The following ERBB4 variants were observed in gnomAD, a reference collection of about 807,000 sequenced individuals.
ERBB4 encodes receptor tyrosine-protein kinase erbB-4.
In ERBB4, 42 loss-of-function variants were observed where a neutral mutation model predicts 158.0. The ratio of observed to expected loss-of-function variants is 0.27; its 90% CI spans 0.21 to 0.34. The LOEUF (loss-of-function observed/expected upper bound fraction) is 0.34. Ranked by LOEUF, ERBB4 falls within the 10% of genes least tolerant of loss-of-function variation. The probability of loss-of-function intolerance (pLI) is 1.00; values close to 1 mark genes in which losing one functional copy is unlikely to be tolerated. For synonymous variants in ERBB4, 583 were observed against 558.7 expected (o/e 1.04, Z -0.61); for missense variants, 1,333 against 1,624.1 (o/e 0.82, Z 3.08).
At chr2:212,183,907 C>G (rs967005325) in intron 1 of ERBB4, among the ~76,000 whole-genome samples, 1 of 152,004 alleles carries the variant, frequency 6.6e-6, no homozygotes, top group Admixed American at 6.6e-5. Flanking sequence ...AAGGTCTATT[C>G]TTTTTCATTT....
At chr2:211,630,782 G>A (rs1454891740) in intron 16 of ERBB4, among the ~76,000 whole-genome samples, 188 bp from the exon 17 acceptor site, 1 of 152,078 alleles carries the variant, frequency 6.6e-6, no homozygotes, top group Non-Finnish European at 1.5e-5. Context: ...AACTATGGTT[G>A]TTTTTGTGTG....
intron 3 of ERBB4, among the ~76,000 whole-genome samples, chr2:211,817,940 G>A (rs550302164): frequency 1.3e-5 from 2 of 152,172 alleles, no homozygotes; most frequent in Non-Finnish European, 2.9e-5. Flanking sequence ...CAGGCTGGAT[G>A]TCTTTAAGCT....
At chr2:211,704,327 T>G in intron 10 of ERBB4, 133 bp from the exon 11 acceptor site, 2 of 688,000 alleles carry the variant, frequency 2.9e-6, no homozygotes, top group Non-Finnish European at 5.3e-6. Flanking sequence ...TTCTATTTTT[T>G]AAGCACTCTA....
chr2:212,127,420 G>A (rs1013551478), intron 1 of ERBB4, among the ~76,000 whole-genome samples: 3 of 152,108 alleles, frequency 2.0e-5, no homozygotes, highest in Admixed American at 6.6e-5. Context: ...GTGAAACCCC[G>A]TCTCAACTAA....
chr2:212,109,159 A>G (rs377471590), intron 2 of ERBB4, among the ~76,000 whole-genome samples: 30 of 152,300 alleles, frequency 2.0e-4, no homozygotes, highest in African/African-American at 6.7e-4. Flanking sequence ...ACATGCCAGC[A>G]TCTTTAATTT....
chr2:212,211,108 T>C lies in ERBB4; in HGVS notation c.83-86205A>G, dbSNP rs1317676943. The stretch of plus-strand genomic sequence containing the variant: ...CCACATTAATTACTCACTAGTGCTA[T>C]AAACTCTACATAGTAAACATCTCTG... On this transcript the variant is annotated intron_variant, in intron 1 of 27. Coordinates refer to ENST00000342788, the MANE Select transcript of ERBB4 (RefSeq NM_005235.3). Among the ~76,000 whole-genome samples the C allele has an allele frequency of 2.0e-5, 3 of 152,240 alleles. No homozygotes were observed. The South Asian group carries it at 6.2e-4, about 32-fold the overall frequency.
Position 211,827,109 on chromosome 2 carries a change from G to A in ERBB4, c.422-38950C>T, listed in dbSNP as rs191169332. Among the ~76,000 whole-genome samples the A allele has an allele frequency of 9.0e-3, 1,260 of 140,022 alleles. 13 individuals carry two copies. The highest frequency in any genetic ancestry group is 0.029 in the African/African-American group (1,194 of 40,720). The allele number at this position is 140,022 out of a possible 152,430, so 91.9% of individuals were successfully genotyped here. A position where few individuals can be genotyped will look rare whatever the true frequency, so the allele number is the denominator to read the frequency against. ...AGAAAATTCTTCACTTTTAAGTATGGTTAGATTGGGGATTAAGAATAAAAT... is the reference window on the plus strand; with the variant it reads ...AGAAAATTCTTCACTTTTAAGTATGATTAGATTGGGGATTAAGAATAAAAT... On this transcript the variant is annotated intron_variant, in intron 3 of 27. Coordinates refer to ENST00000342788, the MANE Select transcript of ERBB4 (RefSeq NM_005235.3).
At chr2:212,275,848 G>A (rs372139263) in intron 1 of ERBB4, among the ~76,000 whole-genome samples, 43 of 151,672 alleles carry the variant, frequency 2.8e-4, no homozygotes, top group African/African-American at 9.7e-4. Context: ...AAATTTAAAC[G>A]GGCTAAATGC....
At chr2:211,693,206 A>G (rs1410130672) in intron 12 of ERBB4, among the ~76,000 whole-genome samples, 1 of 152,146 alleles carries the variant, frequency 6.6e-6, no homozygotes, top group Non-Finnish European at 1.5e-5. Context: ...CACAATATAA[A>G]ATACCTCTCA....
chr2:211,837,295 T>G (rs984030502), intron 3 of ERBB4, among the ~76,000 whole-genome samples: 1 of 152,002 alleles, frequency 6.6e-6, no homozygotes, highest in East Asian at 1.9e-4. Flanking sequence ...AATTCAGACA[T>G]CAATTCTAGA....
chr2:212,471,197 CA>C (rs1242942654), intron 1 of ERBB4, among the ~76,000 whole-genome samples: 5 of 151,902 alleles, frequency 3.3e-5, no homozygotes, highest in Non-Finnish European at 7.4e-5. Context: ...ATTCTTGAAT[CA>C]AAATTAATAT....
At chr2:211,728,366 C>G (rs1478996304) in intron 5 of ERBB4, among the ~76,000 whole-genome samples, 1 of 151,474 alleles carries the variant, frequency 6.6e-6, no homozygotes, top group Non-Finnish European at 1.5e-5. Context: ...GATATGTACC[C>G]AAACAATTTG....
intron 1 of ERBB4, among the ~76,000 whole-genome samples, chr2:212,421,071 T>C (rs1425771585): frequency 6.6e-6 from 1 of 152,134 alleles, no homozygotes; most frequent in Non-Finnish European, 1.5e-5. Context: ...TTATTTCCTA[T>C]AGTCAGAAAT....
chr2:211,593,975 G>A (rs1042063572), intron 19 of ERBB4, among the ~76,000 whole-genome samples: 1 of 152,134 alleles, frequency 6.6e-6, no homozygotes, highest in South Asian at 2.1e-4. Flanking sequence ...CTGCTGTCAG[G>A]CATGACTCAC....
chr2:211,454,808 C>G (rs1056730324), intron 20 of ERBB4, among the ~76,000 whole-genome samples: 2 of 152,186 alleles, frequency 1.3e-5, no homozygotes, highest in African/African-American at 2.4e-5. Context: ...AAGGTAATAA[C>G]TTTTCCTATT....
intron 4 of ERBB4, among the ~76,000 whole-genome samples, chr2:211,771,121 T>G (rs934992223): frequency 6.6e-6 from 1 of 152,194 alleles, no homozygotes; most frequent in Non-Finnish European, 1.5e-5. Context: ...ATAGGAGAAT[T>G]CTGAAGATAG....
intron 2 of ERBB4, among the ~76,000 whole-genome samples, chr2:212,011,196 T>A (rs1486402437): frequency 6.6e-6 from 1 of 152,120 alleles, no homozygotes; most frequent in African/African-American, 2.4e-5. Flanking sequence ...GCATAAAAAA[T>A]TATATAAGTA....
chr2:211,730,463 C>A lies in ERBB4; in HGVS notation c.623-5269G>T, dbSNP rs971594709. Reference sequence around the variant, plus strand: ...CCTCCTCCTCCCCCATCTCCTTCCTCTTTCCCTATCTCCTCTGTCTTCTCT... The same window carrying A: ...CCTCCTCCTCCCCCATCTCCTTCCTATTTCCCTATCTCCTCTGTCTTCTCT... On this transcript the variant is annotated intron_variant, in intron 5 of 27. Transcript: ENST00000342788. Among the ~76,000 whole-genome samples, 4 of 152,120 alleles carry A rather than the reference C, an allele frequency of 2.6e-5. 1 individual carries two copies. In the South Asian group the frequency reaches 8.3e-4, roughly 32 times the overall value.
At chr2:212,136,554 G>A (rs147397990) in intron 1 of ERBB4, among the ~76,000 whole-genome samples, 36 of 152,264 alleles carry the variant, frequency 2.4e-4, no homozygotes, top group Non-Finnish European at 4.6e-4. Flanking sequence ...TCTTTTAAGT[G>A]AAACAAACTC....
Sources: allele counts gnomAD v4.1 joint callset (sites outside exome capture counted in the v4.1 genomes callset), GRCh38; gene constraint gnomAD v4.1.1; transcripts MANE v1.5; gene names NCBI Gene and HGNC (gene_info 2026-07-23, HGNC 2026-07-21).